XPC: variants seen among roughly 807,000 people sequenced by gnomAD.
XPC encodes XPC complex subunit, DNA damage recognition and repair factor.
XPC carries 76 observed loss-of-function variants against 95.8 expected under a neutral mutation model. The ratio of observed to expected loss-of-function variants is 0.79; its 90% CI spans 0.66 to 0.96. The LOEUF (loss-of-function observed/expected upper bound fraction) is 0.96, where lower values mean the gene tolerates loss of function less well. Among genes scored for constraint, XPC ranks in the 40% least tolerant of loss-of-function variants. The probability of loss-of-function intolerance (pLI) is 0.00; values close to 1 mark genes in which losing one functional copy is unlikely to be tolerated. For synonymous variants in XPC, 442 were observed against 442.1 expected (o/e 1.00, Z 0.00); for missense variants, 1,146 against 1,179.8 (o/e 0.97, Z 0.42).
At chr3:14,159,866 A>G (rs1696098025) in intron 7 of XPC, 36 bp from the exon 8 acceptor site, 1 of 1,529,942 alleles carries the variant, frequency 6.5e-7, no homozygotes, top group African/African-American at 1.4e-5. Context: ...TATCCTAAGA[A>G]AGTAATTAAA....
At chr3:14,173,835 A>G (rs929679753) in intron 1 of XPC, among the ~76,000 whole-genome samples, 1 of 152,200 alleles carries the variant, frequency 6.6e-6, no homozygotes, top group African/African-American at 2.4e-5. Flanking sequence ...CACACAAATT[A>G]TCTTGAATCT....
At chr3:14,153,288 C>T (rs1296839307) in intron 10 of XPC, 1 of 152,216 alleles carries the variant, frequency 6.6e-6, no homozygotes, top group Admixed American at 6.5e-5. Context: ...CCTTCCTGAG[C>T]CTCAGTACAG....
chr3:14,158,721 C>T lies in XPC; in HGVS notation c.1162G>A (p.Gly388Arg), dbSNP rs1696043758. Reference sequence around the variant, plus strand: ...GGCTTGCTCCGTTTCTTTCTGCCTCCCTTGTTCCTCTTCCCTTTGGCACTT... The same window carrying T: ...GGCTTGCTCCGTTTCTTTCTGCCTCTCTTGTTCCTCTTCCCTTTGGCACTT... ...RPSAKGKRNK[G>R]GRKKRSKPSS... Residue 388 changes from glycine (G) to arginine (R), a missense_variant, in exon 9 of 16, where the codon GGA (glycine) becomes AGA (arginine). Transcript: ENST00000285021. This position sits in a 1 kb window ranked among gnomAD's most constrained non-coding sequence, Gnocchi z 5.2. The T allele has an allele frequency of 6.2e-7, 1 of 1,613,882 alleles. No individual in the cohort carries two copies.
Position 14,178,297 on chromosome 3 carries a change from C to T in XPC, c.103+169G>A, listed in dbSNP as rs1696921892. 4 of 729,294 alleles carry T rather than the reference C, an allele frequency of 5.5e-6. No homozygotes were observed. The African/African-American group carries it at 5.7e-5, about 10-fold the overall frequency. 45.2% of individuals were successfully genotyped at this position (729,294 alleles called of 1,614,324 possible). On this transcript the variant is annotated intron_variant, in intron 1 of 15. Coordinates refer to ENST00000285021, the MANE Select transcript of XPC (RefSeq NM_004628.5). ...CCGCTCTGGGTGCGCAGGACAAAGA[C>T]GCGGGGACAGCGGGGAGGGCCGGCC...
chr3:14,177,385 G>T (rs1487462762), intron 1 of XPC, among the ~76,000 whole-genome samples: 1 of 152,142 alleles, frequency 6.6e-6, no homozygotes, highest in Non-Finnish European at 1.5e-5. Context: ...ATCTGGGAAG[G>T]ACCACCTTAG....
chr3:14,177,486 A>C (rs577403188), intron 1 of XPC, among the ~76,000 whole-genome samples: 2 of 152,302 alleles, frequency 1.3e-5, no homozygotes, highest in African/African-American at 4.8e-5. Context: ...AGGCAGAAGG[A>C]ACATCAAAGG....
chr3:14,158,127 C>G lies in XPC; in HGVS notation c.1756G>C (p.Asp586His). 1.2e-6 allele frequency: 2 copies of G among 1,613,942 alleles called. No individual in the cohort carries two copies. Among genetic ancestry groups the G allele is most frequent in the South Asian group, 1.1e-5 (1 of 91,070 alleles). The change falls in exon 9 of 16, where the codon GAC (aspartate) becomes CAC (histidine). Residue 586 changes from aspartate (D) to histidine (H), a missense_variant. Asp to His is a moderately conservative substitution (Grantham distance 81). Coordinates refer to ENST00000285021, the MANE Select transcript of XPC (RefSeq NM_004628.5). The surrounding 1 kb of genome is among the most constrained non-coding windows in gnomAD (Gnocchi z 5.2). Reference sequence around the variant, plus strand: ...CGGGTCACTGTCATCCAGACTGGGTCGTACCTCTGTGTGACATCTCGGACC... The same window carrying G: ...CGGGTCACTGTCATCCAGACTGGGTGGTACCTCTGTGTGACATCTCGGACC... ...GWVRDVTQRY[D>H]PVWMTVTRKC...
chr3:14,146,540 T>A (rs1695444256), intron 15 of XPC, among the ~76,000 whole-genome samples: 1 of 152,138 alleles, frequency 6.6e-6, no homozygotes. Context: ...AGTTCAGCCC[T>A]CGGAGCCCTA....
At chr3:14,155,045 G>A (rs1695846297) in intron 10 of XPC, among the ~76,000 whole-genome samples, 2 of 152,154 alleles carry the variant, frequency 1.3e-5, no homozygotes, top group Non-Finnish European at 2.9e-5. Flanking sequence ...GGGCAGCCCA[G>A]GCCCCCTGCT....
intron 1 of XPC, among the ~76,000 whole-genome samples, chr3:14,177,321 T>C (rs1696864853): frequency 6.6e-6 from 1 of 152,204 alleles, no homozygotes; most frequent in Admixed American, 6.5e-5. Context: ...ATGGAAACAC[T>C]AGGCCATTTG....
chr3:14,165,346 G>C, intron 6 of XPC, 82 bp downstream of exon 6: 1 of 1,474,808 alleles, frequency 6.8e-7, no homozygotes, highest in Non-Finnish European at 9.1e-7. Context: ...GGGAAGGTCT[G>C]TGGAAGTGAC....
intron 10 of XPC, among the ~76,000 whole-genome samples, chr3:14,155,708 G>A (rs940145039): frequency 2.0e-4 from 30 of 152,000 alleles, no homozygotes; most frequent in Admixed American, 1.3e-4. Flanking sequence ...ACAGGCACCC[G>A]CCACCACACC....
At chr3:14,169,980 C>T (rs992332684) in intron 3 of XPC, among the ~76,000 whole-genome samples, 2 of 152,174 alleles carry the variant, frequency 1.3e-5, no homozygotes, top group Non-Finnish European at 2.9e-5. Flanking sequence ...CTTTCTTTTC[C>T]CCACAATAAT....
chr3:14,176,733 T>G (rs954363604), intron 1 of XPC, among the ~76,000 whole-genome samples: 2 of 152,294 alleles, frequency 1.3e-5, no homozygotes, highest in African/African-American at 4.8e-5. Context: ...CTTTGCCGGT[T>G]ACCTAGTCTA....
chr3:14,160,193 T>C (rs1224866403), intron 7 of XPC, among the ~76,000 whole-genome samples: 1 of 152,208 alleles, frequency 6.6e-6, no homozygotes, highest in African/African-American at 2.4e-5. Context: ...TTTCTCTGCT[T>C]ACCTACCTTC....
intron 7 of XPC, among the ~76,000 whole-genome samples, chr3:14,160,167 GT>G (rs1304413181): frequency 3.3e-5 from 5 of 152,132 alleles, no homozygotes; most frequent in African/African-American, 1.2e-4. Flanking sequence ...TGGGTTATGG[GT>G]GTTTACATGC....
At chr3:14,164,736 T>C (rs916102263) in intron 7 of XPC, 77 bp downstream of exon 7, 12 of 1,477,664 alleles carry the variant, frequency 8.1e-6, no homozygotes, top group Non-Finnish European at 1.1e-5. Context: ...ACACCTGGAA[T>C]GGCATCTGGC....
intron 1 of XPC, 187 bp downstream of exon 1, chr3:14,178,279 G>T: frequency 1.6e-6 from 1 of 642,632 alleles, no homozygotes; most frequent in Non-Finnish European, 2.5e-6. Context: ...AAACCGCTCT[G>T]GGTGCGCAGG....
Position 14,167,515 on chromosome 3 carries a change from T to C in XPC, c.537-262A>G, listed in dbSNP as rs1696431541. 2.0e-5 allele frequency among the ~76,000 whole-genome samples: 3 copies of C among 152,208 alleles called. No homozygotes were observed. In the South Asian group the frequency reaches 6.2e-4, roughly 32 times the overall value. On this transcript the variant is annotated intron_variant, in intron 4 of 15. Transcript: ENST00000285021. ...AGCAGCAGATCACACCTCACCTACA[T>C]GCCTCAAAGCTCACTTCTTCCAGGA... is the stretch of plus-strand genomic sequence containing the variant.
Sources: allele counts gnomAD v4.1 joint callset (sites outside exome capture counted in the v4.1 genomes callset), GRCh38; gene constraint gnomAD v4.1.1; non-coding constraint Gnocchi (gnomAD v3.1); transcripts MANE v1.5; gene names NCBI Gene and HGNC (gene_info 2026-07-23, HGNC 2026-07-21).